The following JOSD2 variants were observed in gnomAD, a reference collection of about 807,000 sequenced individuals.
JOSD2 encodes the protein Josephin domain containing 2.
JOSD2 carries 20 observed loss-of-function variants against 19.3 expected under a neutral mutation model. That is an observed-to-expected ratio of 1.04 (90% confidence interval 0.73 to 1.51). JOSD2 has a LOEUF of 1.51. Among genes scored for constraint, JOSD2 ranks in the 40% most tolerant of loss-of-function variants. The pLI, the probability that JOSD2 is intolerant of heterozygous loss-of-function variation, is 0.00. For missense variants in JOSD2, 215 were observed against 250.4 expected (o/e 0.86, Z 0.95); for synonymous variants, 118 against 123.7 (o/e 0.95, Z 0.31).
At chr19:50,508,224 C>A (rs886388994) in intron 2 of JOSD2, among the ~76,000 whole-genome samples, 11 of 152,196 alleles carry the variant, frequency 7.2e-5, no homozygotes, top group Non-Finnish European at 1.6e-4. Flanking sequence ...TCCTTCAAGG[C>A]CCACCTCAGA....
At chr19:50,506,348 T>C (rs1273999257) in intron 4 of JOSD2, 30 bp downstream of exon 4, 1 of 1,604,992 alleles carries the variant, frequency 6.2e-7, no homozygotes. Context: ...TTCAGGCCCC[T>C]GGTCTTGGAA....
Position 50,510,051 on chromosome 19 carries a change from C to CAGAAAAAAA in JOSD2, c.146+234_146+235insTTTTTTTCT, listed in dbSNP as rs778485275. 343 of 232,190 alleles carry CAGAAAAAAA rather than the reference C, an allele frequency of 1.5e-3. 7 individuals carry two copies. In the African/African-American group the frequency reaches 0.017, roughly 11 times the overall value. The allele number at this position is 232,190 out of a possible 1,614,324, so 14.4% of individuals were successfully genotyped here. Reference sequence around the variant, plus strand: ...TGGGCAACAGAGTGAGACTCAGTCTCAAAAAAAAAAAAAAAAGAAAGAACC... The same window carrying CAGAAAAAAA: ...TGGGCAACAGAGTGAGACTCAGTCTCAGAAAAAAAAAAAAAAAAAAAAAAAGAAAGAACC... On this transcript the variant is annotated intron_variant, in intron 2 of 4. Coordinates refer to ENST00000598418, the MANE Select transcript of JOSD2 (RefSeq NM_001270639.2).
chr19:50,508,001 T>C lies in JOSD2; in HGVS notation c.147-302A>G, dbSNP rs561628251. 4.0e-5 allele frequency: 18 copies of C among 452,840 alleles called. No individual in the cohort carries two copies. In the East Asian group the frequency reaches 7.0e-4, roughly 18 times the overall value. The allele number at this position is 452,840 out of a possible 1,614,324, so 28.1% of individuals were successfully genotyped here. A position where few individuals can be genotyped will look rare whatever the true frequency, so the allele number is the denominator to read the frequency against. Reference sequence around the variant, plus strand: ...CCCTGTCCCCAAGTCCTGTCTCTCCTGCCCTGACTCTGCCCTGTCCCCAAG... The same window carrying C: ...CCCTGTCCCCAAGTCCTGTCTCTCCCGCCCTGACTCTGCCCTGTCCCCAAG... On this transcript the variant is annotated intron_variant, in intron 2 of 4. Transcript: ENST00000598418.
chr19:50,507,099 ACCACCCAC>A (rs147346427), intron 3 of JOSD2, among the ~76,000 whole-genome samples: 1 of 50,516 alleles, frequency 2.0e-5, no homozygotes. Flanking sequence ...TTCACCACCC[ACCACCCAC>A]CCACCCACCC....
At chr19:50,510,666 C>G (rs1979752939) in intron 1 of JOSD2, among the ~76,000 whole-genome samples, 1 of 152,112 alleles carries the variant, frequency 6.6e-6, no homozygotes, top group Non-Finnish European at 1.5e-5. Context: ...CTTCTGCTCC[C>G]CTAGCAACAG....
chr19:50,506,365 C>T lies in JOSD2; in HGVS notation c.467+13G>A. The T allele has an allele frequency of 6.2e-7, 1 of 1,605,034 alleles. No homozygotes were observed. Among genetic ancestry groups the T allele is most frequent in the East Asian group, 2.2e-5 (1 of 44,682 alleles). On this transcript the variant is annotated intron_variant, in intron 4 of 4. Coordinates refer to ENST00000598418, the MANE Select transcript of JOSD2 (RefSeq NM_001270639.2). ...CAGGCCCCTGGTCTTGGAATCGCCT[C>T]TGTGGGGCTCACCTGACTCCGTCCT... is the stretch of plus-strand genomic sequence containing the variant.
chr19:50,507,627 G>A lies in JOSD2; in HGVS notation c.219C>T (p.Ile73=), dbSNP rs1979460882. 1.2e-6 allele frequency: 2 copies of A among 1,611,370 alleles called. No individual in the cohort carries two copies. The highest frequency in any genetic ancestry group is 8.5e-7 in the Non-Finnish European group (1 of 1,179,950). The change falls in exon 3 of 5, where the codon ATC becomes ATT. Residue 73 remains isoleucine, a synonymous_variant. Transcript: ENST00000598418. ...GGCCCAGCCCCTGCAGAGCGGCCAT[G>A]ATCACATTGACATCATAGTTGCCGG... ...LGTGNYDVNV[I]MAALQGLGLA... is the part of the protein sequence containing the mutation.
intron 2 of JOSD2, among the ~76,000 whole-genome samples, chr19:50,508,198 C>T (rs796507564): frequency 2.6e-5 from 4 of 152,344 alleles, no homozygotes; most frequent in African/African-American, 7.2e-5. Context: ...TGTCCCTCCG[C>T]CAGTCCCTTC....
rs142863981 is a variant in JOSD2, at chr19:50,509,570, C to T, written c.146+716G>A. Among the ~76,000 whole-genome samples, 788 of 152,230 alleles carry T rather than the reference C, an allele frequency of 5.2e-3. 4 individuals are homozygous for T. Among genetic ancestry groups the T allele is most frequent in the Non-Finnish European group, 7.2e-3 (487 of 68,010 alleles). On this transcript the variant is annotated intron_variant, in intron 2 of 4. Coordinates refer to ENST00000598418, the MANE Select transcript of JOSD2 (RefSeq NM_001270639.2). Reference sequence around the variant, plus strand: ...AGGGCTGAAGATGCGGAGGCAGGCTCGGCCTCCGCTATGAGGAGGGCCCTG... The same window carrying T: ...AGGGCTGAAGATGCGGAGGCAGGCTTGGCCTCCGCTATGAGGAGGGCCCTG...
intron 2 of JOSD2, among the ~76,000 whole-genome samples, chr19:50,509,767 C>G (rs1014484479): frequency 6.6e-6 from 1 of 151,858 alleles, no homozygotes; most frequent in Non-Finnish European, 1.5e-5. Flanking sequence ...AAGAAAGAAC[C>G]ACTGGGCCGG....
At position 50,510,557 on chromosome 19, in the gene JOSD2, C is replaced by T; in HGVS notation, c.-17-109G>A. ...TTGATTGAGCTGGGACTCGGAGCAG[C>T]CCAGGAAGACACTGGGCCCCTGACC... On this transcript the variant is annotated intron_variant, in intron 1 of 4. Transcript: ENST00000598418. The T allele has an allele frequency of 7.6e-6, 8 of 1,059,492 alleles. No individual in the cohort carries two copies. The South Asian group carries it at 8.0e-5, about 11-fold the overall frequency. The allele number at this position is 1,059,492 out of a possible 1,614,324, so 65.6% of individuals were successfully genotyped here.
intron 2 of JOSD2, among the ~76,000 whole-genome samples, chr19:50,509,967 G>C (rs866100474): frequency 6.7e-6 from 1 of 149,102 alleles, no homozygotes; most frequent in South Asian, 2.1e-4. Context: ...GCAGGAGAAT[G>C]GCATGAACCC....
chr19:50,510,034 A>C, intron 2 of JOSD2: 1 of 331,536 alleles, frequency 3.0e-6, no homozygotes, highest in Non-Finnish European at 5.2e-6. Flanking sequence ...CCTGGGCAAC[A>C]GAGTGAGACT....
intron 2 of JOSD2, among the ~76,000 whole-genome samples, chr19:50,508,698 CGTGTGTG>C (rs1979537519): frequency 7.1e-6 from 1 of 140,818 alleles, no homozygotes; most frequent in Non-Finnish European, 1.5e-5. Context: ...GGAAAACGCT[CGTGTGTG>C]TGTGTGTGTG....
chr19:50,507,234 T>C (rs7257447), intron 3 of JOSD2, among the ~76,000 whole-genome samples: 47,373 of 146,286 alleles, frequency 0.32, 9,906 homozygotes, highest in African/African-American at 0.6. Context: ...ACCAGCCACA[T>C]GCCCAGCCAC....
chr19:50,506,672 TC>T (rs1346377434), intron 3 of JOSD2, 100 bp from the exon 4 acceptor site: 1 of 1,083,200 alleles, frequency 9.2e-7, no homozygotes, highest in Non-Finnish European at 1.3e-6. Context: ...GGTGAGGGCC[TC>T]CTGAGCCCAC....
chr19:50,509,506 G>A (rs1383035587), intron 2 of JOSD2, among the ~76,000 whole-genome samples: 1 of 152,184 alleles, frequency 6.6e-6, no homozygotes, highest in Non-Finnish European at 1.5e-5. Flanking sequence ...GCACAGAAGG[G>A]CTCACGGGAG....
At chr19:50,510,086 AG>A in intron 2 of JOSD2, 199 bp downstream of exon 2, 1 of 487,028 alleles carries the variant, frequency 2.1e-6, no homozygotes, top group South Asian at 2.3e-5. Context: ...CACTGGATTG[AG>A]GTCTGGCTGG....
At chr19:50,509,323 C>T (rs1451079870) in intron 2 of JOSD2, among the ~76,000 whole-genome samples, 3 of 151,970 alleles carry the variant, frequency 2.0e-5, no homozygotes, top group African/African-American at 7.3e-5. Context: ...GAATTCCTGA[C>T]CTCAAGTGAT....
Sources: allele counts gnomAD v4.1 joint callset (sites outside exome capture counted in the v4.1 genomes callset), GRCh38; gene constraint gnomAD v4.1.1; transcripts MANE v1.5; gene names NCBI Gene and HGNC (gene_info 2026-07-23, HGNC 2026-07-21).